Variants in GORAB observed in about 807,000 individuals in gnomAD.
The protein encoded by GORAB is golgin, RAB6 interacting.
GORAB carries 17 observed loss-of-function variants against 29.9 expected under a neutral mutation model. That is an observed-to-expected ratio of 0.57 (90% CI 0.39 to 0.85). GORAB has a LOEUF of 0.85. Among genes scored for constraint, GORAB ranks in the 40% least tolerant of loss-of-function variants. The pLI is 0.00. For synonymous variants in GORAB, 183 were observed against 157.2 expected (o/e 1.16, Z -1.23); for missense variants, 442 against 437.8 (o/e 1.01, Z -0.09).
At position 170,552,195 on chromosome 1, in the gene GORAB, G is replaced by A. The variant is rs375098208; in HGVS notation, c.843G>A (p.Glu281=). The change falls in exon 5 of 5, where the codon GAG becomes GAA. Residue 281 remains glutamate (E), a synonymous_variant. Transcript: ENST00000367763. ...AACTAGATGTAGAAGCCGATGAAGA[G>A]ACTTTGGAGCTTGAGGTGGAGGTCG... The part of the protein sequence containing the change: ...MQQLDVEADE[E]TLELEVEVER... 6 of 1,614,004 alleles carry A rather than the reference G, an allele frequency of 3.7e-6. No homozygotes were observed. The East Asian group carries it at 1.1e-4, about 30-fold the overall frequency.
rs1402254981 is a variant in GORAB at position 170,539,408 on chromosome 1, GT to G, written c.261del (p.His88IlefsTer68). ...KPPFSSPTLP[S>X]HFTLTSPVGD... ...CCTTTTTCTTCCCCTACTCTTCCGA[GT>G]CATTTCACTCTCACCTCCCCCGTTG... On this transcript the variant is annotated frameshift_variant, in exon 2 of 5. Coordinates refer to ENST00000367763, the MANE Select transcript of GORAB (RefSeq NM_152281.3). LOFTEE classifies it high-confidence loss of function. 1.2e-6 allele frequency: 2 copies of G among 1,613,964 alleles called. No homozygotes were observed. The highest frequency in any genetic ancestry group is 2.7e-5 in the African/African-American group (2 of 74,886).
Position 170,553,107 on chromosome 1 carries a change from C to T in GORAB, c.*645C>T. Reference sequence around the variant, plus strand: ...CGTTTTGTTATTTGAAACACACACACTTATATATAAACACATGTAATTTTA... The same window carrying T: ...CGTTTTGTTATTTGAAACACACACATTTATATATAAACACATGTAATTTTA... On this transcript the variant is annotated 3_prime_UTR_variant, in exon 5 of 5. Transcript: ENST00000367763. 1 of 449,910 alleles carries T rather than the reference C, an allele frequency of 2.2e-6. No homozygotes were observed. Among genetic ancestry groups the T allele is most frequent in the South Asian group, 1.6e-5 (1 of 62,708 alleles). The allele number at this position is 449,910 out of a possible 1,614,324, so 27.9% of individuals were successfully genotyped here. A position where few individuals can be genotyped will look rare whatever the true frequency, so the allele number is the denominator to read the frequency against.
intron 4 of GORAB, chr1:170,545,600 G>A: frequency 1.0e-6 from 1 of 985,242 alleles, no homozygotes; most frequent in South Asian, 4.7e-5. Context: ...AATCATCCTG[G>A]TTTGTCTTTT....
At position 170,553,489 on chromosome 1, in the gene GORAB, A is replaced by G. The variant is rs1319284580; in HGVS notation, c.*1027A>G. 2 of 427,996 alleles carry G rather than the reference A, an allele frequency of 4.7e-6. No homozygotes were observed. The highest frequency in any genetic ancestry group is 9.1e-6 in the Non-Finnish European group (2 of 220,090). The allele number at this position is 427,996 out of a possible 1,614,324, so 26.5% of individuals were successfully genotyped here. A position where few individuals can be genotyped will look rare whatever the true frequency, so the allele number is the denominator to read the frequency against. The stretch of plus-strand genomic sequence containing the variant: ...TATGATTTATTTATCAGAAATTCCA[A>G]AAAGTAAAAATATTACCTTTGAGGA... On this transcript the variant is annotated 3_prime_UTR_variant, in exon 5 of 5. Coordinates refer to ENST00000367763, the MANE Select transcript of GORAB (RefSeq NM_152281.3).
intron 1 of GORAB, chr1:170,536,403 A>G (rs1187757206): frequency 1.3e-5 from 2 of 152,240 alleles, no homozygotes; most frequent in East Asian, 3.8e-4. Flanking sequence ...AGAGAATTAC[A>G]AATCAAGAAT....
At chr1:170,539,743 G>A (rs1021472742) in intron 2 of GORAB, 176 bp downstream of exon 2, 2 of 647,662 alleles carry the variant, frequency 3.1e-6, no homozygotes, top group Non-Finnish European at 5.2e-6. Flanking sequence ...AATATAAGCT[G>A]GACACAGGCA....
chr1:170,534,494 G>A (rs566895161), intron 1 of GORAB, among the ~76,000 whole-genome samples: 3 of 152,138 alleles, frequency 2.0e-5, no homozygotes, highest in Non-Finnish European at 4.4e-5. Flanking sequence ...CATATACCAA[G>A]GATCAGCTAG....
chr1:170,534,767 A>T (rs1012433637), intron 1 of GORAB, among the ~76,000 whole-genome samples: 30 of 152,176 alleles, frequency 2.0e-4, no homozygotes, highest in African/African-American at 6.8e-4. Flanking sequence ...GTTTGTGTAA[A>T]TACACTCTCT....
At position 170,544,809 on chromosome 1, in the gene GORAB, G is replaced by A. The variant is rs200802067; in HGVS notation, c.626G>A (p.Arg209Gln). The A allele has an allele frequency of 1.2e-4, 199 of 1,613,848 alleles. No individual in the cohort carries two copies. The highest frequency in any genetic ancestry group is 1.6e-4 in the Non-Finnish European group (190 of 1,179,904). ...VSADIGILRN[R>Q]IDQASLDYSY... Reference sequence around the variant, plus strand: ...GCTGACATTGGAATTCTCAGGAACCGGATTGATCAGGCCAGCTTAGACTAT... The same window carrying A: ...GCTGACATTGGAATTCTCAGGAACCAGATTGATCAGGCCAGCTTAGACTAT... The change falls in exon 4 of 5, where the codon CGG becomes CAG. Residue 209 changes from arginine (R) to glutamine (Q), a missense_variant. Physicochemically the swap from Arg to Gln is conservative, Grantham distance 43 (BLOSUM62 1). Coordinates refer to ENST00000367763, the MANE Select transcript of GORAB (RefSeq NM_152281.3).
chr1:170,539,394 C>G lies in GORAB; in HGVS notation c.246C>G (p.Ser82=). 6.2e-7 allele frequency: 1 copy of G among 1,614,104 alleles called. No individual in the cohort carries two copies. The highest frequency in any genetic ancestry group is 8.5e-7 in the Non-Finnish European group (1 of 1,180,010). The stretch of plus-strand genomic sequence containing the variant: ...ACGTTCAAAAACCACCTTTTTCTTC[C>G]CCTACTCTTCCGAGTCATTTCACTC... ...RVNVQKPPFS[S]PTLPSHFTLT... Residue 82 remains serine, a synonymous_variant, in exon 2 of 5, where the codon TCC becomes TCG. Coordinates refer to ENST00000367763, the MANE Select transcript of GORAB (RefSeq NM_152281.3).
rs2101835880 is a variant in GORAB, at chr1:170,553,384, T to A, written c.*922T>A. 1 of 452,410 alleles carries A rather than the reference T, an allele frequency of 2.2e-6. No homozygotes were observed. The highest frequency in any genetic ancestry group is 7.0e-5 in the East Asian group (1 of 14,384). 28.0% of individuals were successfully genotyped at this position (452,410 alleles called of 1,614,324 possible). On this transcript the variant is annotated 3_prime_UTR_variant, in exon 5 of 5. Coordinates refer to ENST00000367763, the MANE Select transcript of GORAB (RefSeq NM_152281.3). ...TAGTTTGTTAATTGCCTGTTACTAG[T>A]ACTTGACCAATACATTGTGCTATAT... is the stretch of plus-strand genomic sequence containing the variant.
intron 1 of GORAB, among the ~76,000 whole-genome samples, chr1:170,538,484 T>C (rs1649190604): frequency 6.6e-6 from 1 of 152,192 alleles, no homozygotes; most frequent in African/African-American, 2.4e-5. Context: ...GTCCAAAAAG[T>C]ATAATAGAAG....
chr1:170,534,067 G>A lies in GORAB; in HGVS notation c.61+1783G>A, dbSNP rs1043637185. 1.4e-4 allele frequency among the ~76,000 whole-genome samples: 22 copies of A among 152,088 alleles called. No homozygotes were observed. In the South Asian group the frequency reaches 1.5e-3, roughly 10 times the overall value. ...AGTAGTACTCTGGAGACCCCTGTAT[G>A]GGCATTGAGGAACATAGTCAAGAAA... On this transcript the variant is annotated intron_variant, in intron 1 of 4. Coordinates refer to ENST00000367763, the MANE Select transcript of GORAB (RefSeq NM_152281.3).
At chr1:170,541,944 T>C (rs1490247763) in intron 2 of GORAB, among the ~76,000 whole-genome samples, 1 of 151,402 alleles carries the variant, frequency 6.6e-6, no homozygotes, top group Non-Finnish European at 1.5e-5. Context: ...GACACCCTGT[T>C]CTCCACAAAA....
At chr1:170,535,529 CT>C (rs750553103) in intron 1 of GORAB, among the ~76,000 whole-genome samples, 85 of 152,210 alleles carry the variant, frequency 5.6e-4, no homozygotes, top group Non-Finnish European at 9.9e-4. Flanking sequence ...TCACTTTTAT[CT>C]TTTTGATGAA....
chr1:170,543,962 G>T (rs1649600390), intron 3 of GORAB, among the ~76,000 whole-genome samples: 1 of 152,202 alleles, frequency 6.6e-6, no homozygotes, highest in South Asian at 2.1e-4. Context: ...GTGGATTTAT[G>T]TGGGGATTTT....
At chr1:170,539,116 A>G in intron 1 of GORAB, 94 bp from the exon 2 acceptor site, 1 of 1,472,520 alleles carries the variant, frequency 6.8e-7, no homozygotes, top group Non-Finnish European at 9.4e-7. Flanking sequence ...CACTAGAATT[A>G]TCAACGTTTA....
chr1:170,544,537 CAAATGTT>C (rs1234124095), intron 3 of GORAB, 161 bp from the exon 4 acceptor site: 2 of 536,860 alleles, frequency 3.7e-6, no homozygotes, highest in Admixed American at 6.7e-5. Flanking sequence ...TTCAAAAACT[CAAATGTT>C]AACCAGCTTT....
At chr1:170,533,804 C>T (rs752039419) in intron 1 of GORAB, among the ~76,000 whole-genome samples, 30 of 152,096 alleles carry the variant, frequency 2.0e-4, no homozygotes, top group Admixed American at 3.3e-4. Context: ...ATCGCTAGTC[C>T]GTGACCACCT....
Sources: gnomAD v4.1 joint callset for allele counts (sites outside exome capture counted in the v4.1 genomes callset) on GRCh38, gnomAD v4.1.1 for gene constraint, MANE v1.5 for transcripts, NCBI Gene and HGNC (gene_info 2026-07-23, HGNC 2026-07-21) for gene names.